The following NUBPL variants were observed in gnomAD, a reference collection of about 807,000 sequenced individuals.
The protein encoded by NUBPL is NUBP iron-sulfur cluster assembly factor, mitochondrial.
In NUBPL, 31 loss-of-function variants were observed where a neutral mutation model predicts 45.7. The ratio of observed to expected loss-of-function variants is 0.68; its 90% CI spans 0.51 to 0.92. NUBPL has a LOEUF of 0.92. Ranked by LOEUF, NUBPL falls within the 40% of genes least tolerant of loss-of-function variation. NUBPL has a pLI of 0.00. For synonymous variants in NUBPL, 144 were observed against 140.9 expected (o/e 1.02, Z -0.15); for missense variants, 401 against 398.7 (o/e 1.01, Z -0.05).
At chr14:31,688,447 G>T (rs1173934686) in intron 6 of NUBPL, among the ~76,000 whole-genome samples, 2 of 151,744 alleles carry the variant, frequency 1.3e-5, no homozygotes, top group African/African-American at 2.4e-5. Context: ...CGTGGTGGTG[G>T]GCGCCTGTAA....
chr14:31,783,904 T>G (rs1203009867), intron 6 of NUBPL, among the ~76,000 whole-genome samples: 3 of 152,190 alleles, frequency 2.0e-5, no homozygotes, highest in African/African-American at 7.2e-5. Flanking sequence ...GATAAATTAT[T>G]GGCACCAGTC....
At chr14:31,703,543 A>AG (rs1309110714) in intron 6 of NUBPL, among the ~76,000 whole-genome samples, 1 of 152,230 alleles carries the variant, frequency 6.6e-6, no homozygotes, top group African/African-American at 2.4e-5. Flanking sequence ...GCAGAAGGCA[A>AG]GGAGGAGCAA....
intron 6 of NUBPL, among the ~76,000 whole-genome samples, chr14:31,747,322 A>G (rs1476061716): frequency 6.6e-6 from 1 of 151,842 alleles, no homozygotes; most frequent in Admixed American, 6.5e-5. Context: ...TATTTTTAGT[A>G]CAGACACAGT....
chr14:31,758,831 A>C (rs569322554), intron 6 of NUBPL, among the ~76,000 whole-genome samples: 16 of 152,336 alleles, frequency 1.1e-4, no homozygotes, highest in African/African-American at 3.8e-4. Flanking sequence ...TTACTAATGA[A>C]GTAATTTTGC....
chr14:31,626,992 A>T (rs1293883266), intron 4 of NUBPL, among the ~76,000 whole-genome samples: 1 of 152,162 alleles, frequency 6.6e-6, no homozygotes, highest in Admixed American at 6.5e-5. Flanking sequence ...TTCCAGGCTT[A>T]CCGTAGACCC....
At chr14:31,696,897 A>G (rs1303081524) in intron 6 of NUBPL, among the ~76,000 whole-genome samples, 1 of 152,134 alleles carries the variant, frequency 6.6e-6, no homozygotes, top group African/African-American at 2.4e-5. Flanking sequence ...TAAAAATATA[A>G]GAGAAAAACG....
At chr14:31,855,185 A>T (rs1365646475) in intron 10 of NUBPL, among the ~76,000 whole-genome samples, 1 of 152,226 alleles carries the variant, frequency 6.6e-6, no homozygotes, top group African/African-American at 2.4e-5. Flanking sequence ...TATTAGGCAT[A>T]AGTACCTAGA....
At chr14:31,700,798 A>T (rs548550015) in intron 6 of NUBPL, among the ~76,000 whole-genome samples, 1 of 152,116 alleles carries the variant, frequency 6.6e-6, no homozygotes, top group Non-Finnish European at 1.5e-5. Flanking sequence ...AGGGCTCAGG[A>T]CCTGCAGCCT....
At chr14:31,605,890 T>TCTCCTCCCTTCTCCCTCCTTCTCTC (rs2034579130) in intron 4 of NUBPL, among the ~76,000 whole-genome samples, 1 of 137,522 alleles carries the variant, frequency 7.3e-6, no homozygotes, top group African/African-American at 2.9e-5. Context: ...CTCCTCCTTG[T>TCTCCTCCCTTCTCCCTCCTTCTCTC]CTCCTCCCTT....
At chr14:31,732,931 A>T (rs1217458778) in intron 6 of NUBPL, among the ~76,000 whole-genome samples, 2 of 151,744 alleles carry the variant, frequency 1.3e-5, no homozygotes, top group African/African-American at 2.4e-5. Context: ...TATGGTTAGT[A>T]CTTTTTTGGG....
intron 8 of NUBPL, among the ~76,000 whole-genome samples, chr14:31,840,298 G>A (rs1439165525): frequency 6.6e-6 from 1 of 152,132 alleles, no homozygotes; most frequent in Non-Finnish European, 1.5e-5. Flanking sequence ...AATTGGCCAG[G>A]CGCGGTGGCT....
chr14:31,618,910 G>T (rs1215078554), intron 4 of NUBPL, among the ~76,000 whole-genome samples: 1 of 152,148 alleles, frequency 6.6e-6, no homozygotes, highest in East Asian at 1.9e-4. Context: ...CACTATTATT[G>T]TGTGGGAGTC....
chr14:31,744,148 GAT>G (rs1347272009), intron 6 of NUBPL, among the ~76,000 whole-genome samples: 1 of 152,196 alleles, frequency 6.6e-6, no homozygotes, highest in African/African-American at 2.4e-5. Flanking sequence ...GAAAAAATGT[GAT>G]CTCTTGGGTG....
Position 31,615,183 on chromosome 14 carries a change from C to T in NUBPL, c.382+15804C>T, listed in dbSNP as rs558110952. On this transcript the variant is annotated intron_variant, in intron 4 of 10. Transcript: ENST00000281081. ...GTTTTAAAAGTATGGCACTTCCCCTCTCTCTCTCTCCTGCCACCAAGTAAG... is the reference window on the plus strand; with the variant it reads ...GTTTTAAAAGTATGGCACTTCCCCTTTCTCTCTCTCCTGCCACCAAGTAAG... 2.0e-5 allele frequency among the ~76,000 whole-genome samples: 3 copies of T among 151,986 alleles called. No individual in the cohort carries two copies. In the East Asian group the frequency reaches 5.8e-4, roughly 29 times the overall value.
intron 6 of NUBPL, chr14:31,771,801 T>G (rs1289618418): frequency 2.2e-6 from 2 of 896,642 alleles, no homozygotes; most frequent in Non-Finnish European, 2.7e-6. Context: ...TTACCCCACT[T>G]CTTCCATTTA....
chr14:31,819,130 G>A (rs2039973238), intron 7 of NUBPL, among the ~76,000 whole-genome samples: 1 of 152,030 alleles, frequency 6.6e-6, no homozygotes, highest in African/African-American at 2.4e-5. Context: ...TTAAAACTCA[G>A]GAATTTTGGG....
chr14:31,666,242 T>TAG (rs2036411426), intron 4 of NUBPL, among the ~76,000 whole-genome samples: 3 of 29,120 alleles, frequency 1.0e-4, no homozygotes, highest in Non-Finnish European at 2.0e-4. Flanking sequence ...TATATATATA[T>TAG]ATATATATAT....
intron 7 of NUBPL, among the ~76,000 whole-genome samples, chr14:31,806,464 G>A (rs1314875918): frequency 6.6e-6 from 1 of 152,082 alleles, no homozygotes; most frequent in Non-Finnish European, 1.5e-5. Context: ...AACAAACACT[G>A]GAAACCAAAA....
intron 7 of NUBPL, among the ~76,000 whole-genome samples, chr14:31,815,856 T>G (rs1233954962): frequency 2.0e-5 from 3 of 152,194 alleles, no homozygotes; most frequent in Non-Finnish European, 4.4e-5. Context: ...TGCATATATT[T>G]AACCAGCCTT....
Sources: gnomAD v4.1 joint callset for allele counts (sites outside exome capture counted in the v4.1 genomes callset) on GRCh38, gnomAD v4.1.1 for gene constraint, MANE v1.5 for transcripts, NCBI Gene and HGNC (gene_info 2026-07-23, HGNC 2026-07-21) for gene names.